Variants in SOX5 observed in about 807,000 individuals in gnomAD.
SOX5 encodes SRY-box transcription factor 5.
SOX5 carries 9 observed loss-of-function variants against 92.0 expected under a neutral mutation model. The ratio of observed to expected loss-of-function variants is 0.10; its 90% confidence interval spans 0.06 to 0.17. The LOEUF (loss-of-function observed/expected upper bound fraction) is 0.17. SOX5 is among the 10% of genes least tolerant of loss of function. The pLI, the probability that SOX5 is intolerant of heterozygous loss-of-function variation, is 1.00. For synonymous variants in SOX5, 344 were observed against 336.3 expected (o/e 1.02, Z -0.25); for missense variants, 642 against 944.5 (o/e 0.68, Z 4.20).
At chr12:23,996,476 G>A (rs540463890) in intron 4 of SOX5, among the ~76,000 whole-genome samples, 1 of 152,264 alleles carries the variant, frequency 6.6e-6, no homozygotes, top group South Asian at 2.1e-4. Flanking sequence ...CAATCCTGCT[G>A]AAAAGAAGTA....
chr12:24,427,080 C>T (rs890458558), intron 1 of SOX5, among the ~76,000 whole-genome samples: 2 of 152,150 alleles, frequency 1.3e-5, no homozygotes, highest in Non-Finnish European at 2.9e-5. Flanking sequence ...GGAATGGGTT[C>T]AATTCATCTT....
At chr12:24,512,771 T>C (rs1391329852) in intron 1 of SOX5, among the ~76,000 whole-genome samples, 1 of 152,130 alleles carries the variant, frequency 6.6e-6, no homozygotes, top group Non-Finnish European at 1.5e-5. Context: ...TTCTTCCAAA[T>C]CCAAGAGTGC....
At chr12:24,538,872 G>A (rs767505123) in intron 1 of SOX5, among the ~76,000 whole-genome samples, 1 of 152,002 alleles carries the variant, frequency 6.6e-6, no homozygotes, top group Non-Finnish European at 1.5e-5. Context: ...GAAAAAACAC[G>A]CTGGGATTTT....
chr12:24,331,718 C>T (rs1378961150), intron 2 of SOX5, among the ~76,000 whole-genome samples: 2 of 151,664 alleles, frequency 1.3e-5, no homozygotes, highest in Non-Finnish European at 2.9e-5. Flanking sequence ...TGTGGTGGCA[C>T]GTGCCTGTAA....
chr12:24,111,954 C>CTAA (rs1947399765), intron 4 of SOX5, among the ~76,000 whole-genome samples: 1 of 152,116 alleles, frequency 6.6e-6, no homozygotes, highest in Non-Finnish European at 1.5e-5. Flanking sequence ...AAGGATCTTA[C>CTAA]CATCACCAAG....
At chr12:23,678,454 T>A (rs539331052) in intron 6 of SOX5, among the ~76,000 whole-genome samples, 7 of 152,288 alleles carry the variant, frequency 4.6e-5, no homozygotes, top group South Asian at 2.1e-4. Context: ...TGATTAGAAA[T>A]AATTTTTCTT....
chr12:24,255,969 C>T (rs897047967), intron 3 of SOX5, among the ~76,000 whole-genome samples: 6 of 152,074 alleles, frequency 3.9e-5, no homozygotes, highest in Non-Finnish European at 8.8e-5. Context: ...ATTTTAAACC[C>T]CAAGTTGTTA....
At chr12:24,397,347 G>C (rs572908761) in intron 1 of SOX5, among the ~76,000 whole-genome samples, 1 of 152,144 alleles carries the variant, frequency 6.6e-6, no homozygotes, top group African/African-American at 2.4e-5. Flanking sequence ...ATGCTTTACA[G>C]CATAAGATCT....
intron 2 of SOX5, among the ~76,000 whole-genome samples, chr12:24,306,615 T>G (rs1028567740): frequency 2.6e-5 from 4 of 152,190 alleles, no homozygotes; most frequent in Non-Finnish European, 5.9e-5. Flanking sequence ...AGACAAAGAA[T>G]GCTGGGAGAG....
chr12:24,248,805 T>G (rs1409634142), intron 3 of SOX5, among the ~76,000 whole-genome samples: 1 of 152,218 alleles, frequency 6.6e-6, no homozygotes, highest in Non-Finnish European at 1.5e-5. Context: ...TCTTTCTAAC[T>G]TTGGTAAGGT....
At chr12:23,889,907 C>T (rs1224944507) in intron 2 of SOX5, among the ~76,000 whole-genome samples, 1 of 151,946 alleles carries the variant, frequency 6.6e-6, no homozygotes, top group Non-Finnish European at 1.5e-5. Flanking sequence ...AAATTAGATA[C>T]TAGTAACATA....
At chr12:24,354,543 A>G (rs955950457) in intron 2 of SOX5, among the ~76,000 whole-genome samples, 16 of 152,262 alleles carry the variant, frequency 1.1e-4, no homozygotes, top group African/African-American at 3.9e-4. Context: ...GGAGCAGAGC[A>G]GCTGCTTGGA....
chr12:24,504,310 C>A (rs1948510801), intron 1 of SOX5, among the ~76,000 whole-genome samples: 1 of 152,090 alleles, frequency 6.6e-6, no homozygotes. Context: ...TAAATATGAG[C>A]CCCAGTAAAA....
chr12:24,396,293 G>A (rs183316693), intron 1 of SOX5, among the ~76,000 whole-genome samples: 6 of 152,196 alleles, frequency 3.9e-5, no homozygotes, highest in East Asian at 1.9e-4. Context: ...AGCTGGGCAC[G>A]CTCCTGATTC....
intron 7 of SOX5, among the ~76,000 whole-genome samples, chr12:23,656,994 T>C (rs77051077): frequency 0.03 from 4,490 of 152,154 alleles, 208 homozygotes; most frequent in African/African-American, 0.1. Context: ...TATTATGAGC[T>C]GACTATAGAG....
intron 2 of SOX5, among the ~76,000 whole-genome samples, chr12:24,346,959 A>G (rs1953370702): frequency 6.6e-6 from 1 of 152,220 alleles, no homozygotes; most frequent in African/African-American, 2.4e-5. Context: ...GCACACTAAC[A>G]CGGCACATGT....
intron 2 of SOX5, among the ~76,000 whole-genome samples, chr12:23,884,653 G>T (rs890672673): frequency 1.2e-4 from 19 of 152,276 alleles, no homozygotes; most frequent in African/African-American, 4.3e-4. Context: ...TTATATGAGT[G>T]CAGAAACTGA....
chr12:23,813,304 A>T (rs2095912861), intron 3 of SOX5, among the ~76,000 whole-genome samples: 1 of 152,188 alleles, frequency 6.6e-6, no homozygotes, highest in Admixed American at 6.5e-5. Flanking sequence ...CAACAAACTA[A>T]TTACTACCAA....
chr12:24,335,563 A>G (rs1009978892), intron 2 of SOX5, among the ~76,000 whole-genome samples: 1 of 152,158 alleles, frequency 6.6e-6, no homozygotes, highest in Non-Finnish European at 1.5e-5. Context: ...AGACAAAGAA[A>G]TTTGAACCCA....
Sources: gnomAD v4.1 joint callset for allele counts (sites outside exome capture counted in the v4.1 genomes callset) on GRCh38, gnomAD v4.1.1 for gene constraint, MANE v1.5 for transcripts, NCBI Gene and HGNC (gene_info 2026-07-23, HGNC 2026-07-21) for gene names.